Variants in PDE4D observed in about 807,000 individuals in gnomAD.
PDE4D encodes phosphodiesterase 4D, also known as 3',5'-cyclic-AMP phosphodiesterase 4D.
PDE4D carries 24 observed loss-of-function variants against 87.4 expected under a neutral mutation model. The ratio of observed to expected loss-of-function variants is 0.27; its 90% CI spans 0.20 to 0.39. The LOEUF is 0.39. PDE4D is among the 10% of genes least tolerant of loss of function. The pLI is 1.00. For missense variants in PDE4D, 714 were observed against 1,041.0 expected (o/e 0.69, Z 4.32); for synonymous variants, 384 against 383.2 (o/e 1.00, Z -0.02).
At chr5:59,172,316 T>G (rs1360988357) in intron 5 of PDE4D, among the ~76,000 whole-genome samples, 2 of 133,090 alleles carry the variant, frequency 1.5e-5, no homozygotes, top group African/African-American at 5.6e-5. Context: ...TATAATTTTA[T>G]AAAATATATA....
At chr5:59,041,083 A>T (rs570798800) in intron 5 of PDE4D, among the ~76,000 whole-genome samples, 1 of 152,286 alleles carries the variant, frequency 6.6e-6, no homozygotes, top group South Asian at 2.1e-4. Flanking sequence ...GTAAATATAT[A>T]CTTTAGATGG....
chr5:60,069,222 T>C (rs1453311715), intron 2 of PDE4D, among the ~76,000 whole-genome samples: 1 of 152,206 alleles, frequency 6.6e-6, no homozygotes, highest in Non-Finnish European at 1.5e-5. Context: ...TAAATCTATA[T>C]GTTGAATGGC....
intron 5 of PDE4D, among the ~76,000 whole-genome samples, chr5:59,094,069 T>G (rs1769234830): frequency 6.6e-6 from 1 of 151,408 alleles, no homozygotes; most frequent in Non-Finnish European, 1.5e-5. Context: ...AATACAAAAA[T>G]TAGCTGGGTG....
At chr5:59,639,653 C>T (rs190620879) in intron 1 of PDE4D, among the ~76,000 whole-genome samples, 2 of 152,184 alleles carry the variant, frequency 1.3e-5, no homozygotes, top group African/African-American at 4.8e-5. Flanking sequence ...GTCTGAGGTG[C>T]CTTCAAGGCA....
intron 1 of PDE4D, among the ~76,000 whole-genome samples, chr5:59,876,764 T>G (rs1345638347): frequency 6.6e-6 from 1 of 152,212 alleles, no homozygotes; most frequent in African/African-American, 2.4e-5. Context: ...TATGAAAAAG[T>G]CTTTTTAAAT....
chr5:59,837,074 A>G (rs949549900), intron 1 of PDE4D, among the ~76,000 whole-genome samples: 2 of 151,970 alleles, frequency 1.3e-5, no homozygotes, highest in Non-Finnish European at 2.9e-5. Flanking sequence ...CAAAACCTTT[A>G]TCGTTTACAG....
In PDE4D at chr5:59,391,141, C is replaced by T. The variant is rs535963531; in HGVS notation, c.456-175173G>A. ...GTAAGCATAGGAGGAGACTAAACTT[C>T]TCTGTCTTGATTCTCAATCTCTTGA... On this transcript the variant is annotated intron_variant, in intron 1 of 14. Coordinates refer to ENST00000340635, the MANE Select transcript of PDE4D (RefSeq NM_001104631.2). Among the ~76,000 whole-genome samples, 62 of 152,238 alleles carry T rather than the reference C, an allele frequency of 4.1e-4. 1 individual carries two copies. The highest frequency in any genetic ancestry group is 1.4e-3 in the African/African-American group (57 of 41,550).
chr5:60,160,199 C>T (rs1474958253), intron 2 of PDE4D, among the ~76,000 whole-genome samples: 6 of 152,058 alleles, frequency 3.9e-5, no homozygotes, highest in African/African-American at 9.7e-5. Flanking sequence ...TGTAAGAATA[C>T]GGTATATAAT....
At chr5:60,443,379 C>T (rs997476067) in intron 1 of PDE4D, among the ~76,000 whole-genome samples, 6 of 152,066 alleles carry the variant, frequency 3.9e-5, no homozygotes, top group African/African-American at 1.4e-4. Flanking sequence ...GATGGAGATT[C>T]TAATGATGTC....
intron 3 of PDE4D, among the ~76,000 whole-genome samples, chr5:59,940,244 T>C (rs1357199768): frequency 6.6e-6 from 1 of 152,208 alleles, no homozygotes; most frequent in African/African-American, 2.4e-5. Flanking sequence ...AGTTTCGGTT[T>C]CTTTCCTATG....
At chr5:59,163,830 G>A (rs1035070778) in intron 5 of PDE4D, among the ~76,000 whole-genome samples, 6 of 152,112 alleles carry the variant, frequency 3.9e-5, no homozygotes, top group African/African-American at 4.8e-5. Context: ...TCAGACTATC[G>A]TTTTTATTTG....
chr5:60,397,954 G>A (rs1049534573), intron 1 of PDE4D, among the ~76,000 whole-genome samples: 2 of 152,150 alleles, frequency 1.3e-5, no homozygotes, highest in African/African-American at 4.8e-5. Flanking sequence ...GCAAAACTAG[G>A]TGAGCACTCT....
chr5:59,377,026 A>G (rs1305448236), intron 1 of PDE4D, among the ~76,000 whole-genome samples: 1 of 152,156 alleles, frequency 6.6e-6, no homozygotes, highest in Non-Finnish European at 1.5e-5. Flanking sequence ...ACAAAACTTA[A>G]CTCAAGATGT....
intron 1 of PDE4D, among the ~76,000 whole-genome samples, chr5:59,470,632 T>C (rs1467089396): frequency 6.6e-6 from 1 of 152,224 alleles, no homozygotes; most frequent in African/African-American, 2.4e-5. Flanking sequence ...TCTTGAGCTA[T>C]TTTTATCTGA....
At chr5:59,639,611 G>A (rs1173618034) in intron 1 of PDE4D, among the ~76,000 whole-genome samples, 3 of 152,142 alleles carry the variant, frequency 2.0e-5, no homozygotes, top group Admixed American at 6.6e-5. Context: ...CAACTGGGGA[G>A]TACATAATGA....
intron 1 of PDE4D, among the ~76,000 whole-genome samples, chr5:59,544,257 C>T (rs1380512773): frequency 1.3e-5 from 2 of 152,190 alleles, no homozygotes; most frequent in East Asian, 3.9e-4. Flanking sequence ...ACCCAATTGA[C>T]GCTAGTTCTA....
At chr5:60,400,216 C>T (rs749183997) in intron 1 of PDE4D, among the ~76,000 whole-genome samples, 13 of 152,088 alleles carry the variant, frequency 8.5e-5, no homozygotes, top group African/African-American at 2.4e-4. Context: ...GACTGGGGTT[C>T]GAAAGTTTTC....
At chr5:59,096,611 G>A (rs1049356761) in intron 5 of PDE4D, among the ~76,000 whole-genome samples, 1 of 152,118 alleles carries the variant, frequency 6.6e-6, no homozygotes, top group Admixed American at 6.6e-5. Flanking sequence ...GAAAGGTATG[G>A]CACTAGATTG....
intron 1 of PDE4D, among the ~76,000 whole-genome samples, chr5:59,735,220 C>A (rs1400970575): frequency 6.6e-6 from 1 of 152,130 alleles, no homozygotes; most frequent in Non-Finnish European, 1.5e-5. Flanking sequence ...AAACATAAAT[C>A]TTAAAGCTGT....
Sources: allele counts gnomAD v4.1 joint callset (sites outside exome capture counted in the v4.1 genomes callset), GRCh38; gene constraint gnomAD v4.1.1; transcripts MANE v1.5; gene names NCBI Gene and HGNC (gene_info 2026-07-23, HGNC 2026-07-21).